GPC5: variants seen among roughly 807,000 people sequenced by gnomAD.
The protein encoded by GPC5 is glypican-5.
A neutral mutation model predicts 53.9 loss-of-function variants in GPC5; 47 were observed. That is an observed-to-expected ratio of 0.87 (90% confidence interval 0.69 to 1.11). GPC5 has a LOEUF of 1.11. Ranked by LOEUF, GPC5 falls within the 50% of genes most tolerant of loss-of-function variation. The probability of loss-of-function intolerance (pLI) is 0.00; values close to 1 mark genes in which losing one functional copy is unlikely to be tolerated. For synonymous variants in GPC5, 286 were observed against 263.3 expected (o/e 1.09, Z -0.84); for missense variants, 748 against 713.1 (o/e 1.05, Z -0.56).
chr13:91,611,588 TC>T (rs1465945417), intron 2 of GPC5, among the ~76,000 whole-genome samples: 1 of 152,158 alleles, frequency 6.6e-6, no homozygotes, highest in African/African-American at 2.4e-5. Flanking sequence ...TTTTCATCAT[TC>T]CCTAGCACTA....
At chr13:91,784,188 C>A (rs1345048022) in intron 5 of GPC5, among the ~76,000 whole-genome samples, 1 of 151,896 alleles carries the variant, frequency 6.6e-6, no homozygotes, top group African/African-American at 2.4e-5. Flanking sequence ...ATGGACAATC[C>A]TGATAGTTAA....
At chr13:91,882,188 G>C (rs1392451799) in intron 5 of GPC5, among the ~76,000 whole-genome samples, 7 of 151,948 alleles carry the variant, frequency 4.6e-5, no homozygotes, top group Non-Finnish European at 8.8e-5. Context: ...TAATGTAATT[G>C]AATTTTGAAT....
chr13:92,312,162 T>G (rs2043149187), intron 7 of GPC5, among the ~76,000 whole-genome samples: 1 of 152,150 alleles, frequency 6.6e-6, no homozygotes, highest in South Asian at 2.1e-4. Flanking sequence ...TGAGGCTAAG[T>G]TAGGTTTAAA....
chr13:92,198,696 C>A (rs2042273827), intron 7 of GPC5, among the ~76,000 whole-genome samples: 1 of 152,132 alleles, frequency 6.6e-6, no homozygotes, highest in Non-Finnish European at 1.5e-5. Context: ...TGACCTGATA[C>A]ATTTTCACTT....
intron 1 of GPC5, among the ~76,000 whole-genome samples, chr13:91,441,832 C>G (rs1880457021): frequency 6.6e-6 from 1 of 152,114 alleles, no homozygotes. Context: ...TGTCATTTTT[C>G]TATTGTGAAT....
Position 91,538,322 on chromosome 13 carries a change from G to C in GPC5, c.325+89400G>C, listed in dbSNP as rs536073628. On this transcript the variant is annotated intron_variant, in intron 2 of 7. Transcript: ENST00000377067. ...AGGAGACTTTTATCCCAATTGCATA[G>C]GGAGGAGTTCTAACAACATTCCATC... 1.9e-3 allele frequency among the ~76,000 whole-genome samples: 289 copies of C among 152,252 alleles called. 1 individual carries two copies. Among genetic ancestry groups the C allele is most frequent in the Non-Finnish European group, 3.6e-3 (246 of 68,018 alleles).
intron 2 of GPC5, among the ~76,000 whole-genome samples, chr13:91,453,723 GA>G (rs1881346206): frequency 6.6e-6 from 1 of 152,044 alleles, no homozygotes; most frequent in Non-Finnish European, 1.5e-5. Flanking sequence ...ATGAATGAAT[GA>G]ATGGTACTTA....
intron 6 of GPC5, among the ~76,000 whole-genome samples, chr13:92,027,660 G>A (rs2040810796): frequency 6.6e-6 from 1 of 152,112 alleles, no homozygotes; most frequent in Non-Finnish European, 1.5e-5. Context: ...AACTAATTTT[G>A]TTTTTAACCA....
chr13:91,676,172 G>A (rs927557859), intron 2 of GPC5, among the ~76,000 whole-genome samples: 1 of 152,132 alleles, frequency 6.6e-6, no homozygotes, highest in African/African-American at 2.4e-5. Context: ...CCAGGTTCAA[G>A]CGATTCTCCT....
At chr13:91,649,399 T>A (rs2034640726) in intron 2 of GPC5, among the ~76,000 whole-genome samples, 1 of 152,182 alleles carries the variant, frequency 6.6e-6, no homozygotes, top group Admixed American at 6.5e-5. Flanking sequence ...CAATAACTAC[T>A]ACACACGTTT....
At chr13:92,103,461 ATTGTGGCT>A (rs1315193949) in intron 6 of GPC5, among the ~76,000 whole-genome samples, 2 of 152,202 alleles carry the variant, frequency 1.3e-5, no homozygotes, top group Non-Finnish European at 2.9e-5. Context: ...ACATACTTAA[ATTGTGGCT>A]TATCTCAAAA....
At chr13:92,241,422 A>G (rs1180492923) in intron 7 of GPC5, 1 of 152,180 alleles carries the variant, frequency 6.6e-6, no homozygotes, top group Non-Finnish European at 1.5e-5. Flanking sequence ...ATGCTGGACA[A>G]TTAGAGTCTG....
Position 91,696,808 on chromosome 13 carries a change from A to T in GPC5, c.1020+2927A>T, listed in dbSNP as rs7332067. Reference sequence around the variant, plus strand: ...AAGTTAATTTACAAGATAATTTTTTAAATTTCATAATTCTGTGATTTTATT... The same window carrying T: ...AAGTTAATTTACAAGATAATTTTTTTAATTTCATAATTCTGTGATTTTATT... On this transcript the variant is annotated intron_variant, in intron 3 of 7. Coordinates refer to ENST00000377067, the MANE Select transcript of GPC5 (RefSeq NM_004466.6). Among the ~76,000 whole-genome samples, 794 of 152,338 alleles carry T rather than the reference A, an allele frequency of 5.2e-3. 7 individuals are homozygous for T. The highest frequency in any genetic ancestry group is 0.035 in the South Asian group (168 of 4,828).
intron 2 of GPC5, among the ~76,000 whole-genome samples, chr13:91,487,377 T>C (rs558044721): frequency 2.0e-5 from 3 of 152,300 alleles, no homozygotes; most frequent in Admixed American, 6.5e-5. Flanking sequence ...TCAATGCGCC[T>C]CAGAGACAGA....
At chr13:92,609,343 T>G (rs1884360809) in intron 7 of GPC5, among the ~76,000 whole-genome samples, 1 of 152,156 alleles carries the variant, frequency 6.6e-6, no homozygotes, top group African/African-American at 2.4e-5. Context: ...ACTTATTACC[T>G]TAGATAAGTT....
intron 3 of GPC5, among the ~76,000 whole-genome samples, chr13:91,727,291 G>A (rs1000037778): frequency 7.2e-5 from 11 of 152,128 alleles, no homozygotes; most frequent in Admixed American, 6.6e-5. Flanking sequence ...ATGGATAGTA[G>A]CCTTTCCCGG....
At chr13:91,765,618 T>C (rs1309075841) in intron 5 of GPC5, among the ~76,000 whole-genome samples, 1 of 152,206 alleles carries the variant, frequency 6.6e-6, no homozygotes, top group Non-Finnish European at 1.5e-5. Context: ...GGACTTGGAA[T>C]CTCAAACTGG....
At chr13:92,093,395 C>A (rs137859480) in intron 6 of GPC5, among the ~76,000 whole-genome samples, 446 of 152,090 alleles carry the variant, frequency 2.9e-3, no homozygotes, top group African/African-American at 0.01. Context: ...TTTTATGTTA[C>A]ATATATATGT....
chr13:91,953,602 G>A (rs1012804742), intron 6 of GPC5, among the ~76,000 whole-genome samples: 9 of 152,048 alleles, frequency 5.9e-5, no homozygotes, highest in Non-Finnish European at 1.0e-4. Context: ...TAGTTCATTC[G>A]GGCTGCTATA....
Sources: allele counts gnomAD v4.1 joint callset (sites outside exome capture counted in the v4.1 genomes callset), GRCh38; gene constraint gnomAD v4.1.1; transcripts MANE v1.5; gene names NCBI Gene and HGNC (gene_info 2026-07-23, HGNC 2026-07-21).